Variants in AGBL1 observed in about 807,000 individuals in gnomAD.
AGBL1 encodes the protein AGBL carboxypeptidase 1.
A neutral mutation model predicts 118.9 loss-of-function variants in AGBL1; 130 were observed. The ratio of observed to expected loss-of-function variants is 1.09; its 90% CI spans 0.95 to 1.26. The LOEUF is 1.26. Among genes scored for constraint, AGBL1 ranks in the 50% most tolerant of loss-of-function variants. The probability of loss-of-function intolerance (pLI) is 0.00; values close to 1 mark genes in which losing one functional copy is unlikely to be tolerated. For synonymous variants in AGBL1, 555 were observed against 478.9 expected, an observed-to-expected ratio of 1.16 and a Z score of -2.08; for missense variants, 1,584 against 1,298.1, an observed-to-expected ratio of 1.22 and a Z score of -3.38.
chr15:86,451,923 A>T (rs1191238836), intron 18 of AGBL1, among the ~76,000 whole-genome samples: 2 of 152,138 alleles, frequency 1.3e-5, no homozygotes, highest in African/African-American at 4.8e-5. Context: ...TCTGCCTGGC[A>T]TTCAAGACCG....
chr15:86,971,409 G>A (rs753357681), intron 23 of AGBL1, among the ~76,000 whole-genome samples: 2 of 151,898 alleles, frequency 1.3e-5, no homozygotes, highest in Admixed American at 6.6e-5. Flanking sequence ...TCTACAGTAA[G>A]GGATGGCTTG....
At chr15:86,148,394 A>G (rs762792269) in intron 3 of AGBL1, among the ~76,000 whole-genome samples, 10 of 152,158 alleles carry the variant, frequency 6.6e-5, no homozygotes, top group Admixed American at 1.3e-4. Flanking sequence ...GATTAGGCGA[A>G]TGGCTAACTA....
chr15:86,404,838 T>C (rs1294068291), intron 18 of AGBL1, among the ~76,000 whole-genome samples: 1 of 152,180 alleles, frequency 6.6e-6, no homozygotes, highest in Non-Finnish European at 1.5e-5. Context: ...GGCTTCTTTG[T>C]GGACAGGAAG....
chr15:86,929,466 A>T (rs2080580991), intron 23 of AGBL1, among the ~76,000 whole-genome samples: 1 of 152,210 alleles, frequency 6.6e-6, no homozygotes, highest in Admixed American at 6.5e-5. Context: ...ATCAACTCAG[A>T]GGCCTGAATC....
intron 22 of AGBL1, among the ~76,000 whole-genome samples, chr15:86,757,487 C>G (rs1046936535): frequency 6.6e-6 from 1 of 152,026 alleles, no homozygotes; most frequent in African/African-American, 2.4e-5. Context: ...TTCTTTTGAT[C>G]TTCTCAATGG....
At chr15:86,738,032 A>G (rs28706632) in intron 22 of AGBL1, among the ~76,000 whole-genome samples, 8,205 of 152,260 alleles carry the variant, frequency 0.054, 597 homozygotes, top group African/African-American at 0.17. Flanking sequence ...AACAGAATGA[A>G]GGACCAAAAC....
intron 18 of AGBL1, among the ~76,000 whole-genome samples, chr15:86,399,963 T>C (rs957676472): frequency 6.6e-6 from 1 of 152,186 alleles, no homozygotes; most frequent in African/African-American, 2.4e-5. Flanking sequence ...TTGGAAATCA[T>C]AGTGTTATTC....
At chr15:86,135,093 C>T (rs140553874) in intron 1 of AGBL1, among the ~76,000 whole-genome samples, 32 of 152,230 alleles carry the variant, frequency 2.1e-4, no homozygotes, top group Admixed American at 6.5e-4. Flanking sequence ...GTGTTTGGAT[C>T]GTAGGGGCAG....
chr15:86,612,389 A>T (rs1164317049), intron 21 of AGBL1, among the ~76,000 whole-genome samples: 2 of 144,406 alleles, frequency 1.4e-5, no homozygotes, highest in Non-Finnish European at 3.0e-5. Context: ...GCCTTGGCCA[A>T]GGGGATTCCA....
At chr15:86,974,629 A>T (rs1338158241) in intron 23 of AGBL1, among the ~76,000 whole-genome samples, 1 of 144,488 alleles carries the variant, frequency 6.9e-6, no homozygotes, top group Admixed American at 7.1e-5. Flanking sequence ...ATATTTATAT[A>T]TTTAACTTTT....
At chr15:86,262,450 G>A (rs186548265) in intron 9 of AGBL1, among the ~76,000 whole-genome samples, 1 of 152,216 alleles carries the variant, frequency 6.6e-6, no homozygotes, top group African/African-American at 2.4e-5. Context: ...TTACAATGAT[G>A]CTGACGATAG....
intron 21 of AGBL1, among the ~76,000 whole-genome samples, chr15:86,575,713 C>G (rs546058821): frequency 2.6e-5 from 4 of 151,992 alleles, no homozygotes; most frequent in Admixed American, 1.3e-4. Context: ...CCTCAGCCTT[C>G]TAAGCGACTG....
At chr15:86,873,850 C>T (rs994196035) in intron 22 of AGBL1, among the ~76,000 whole-genome samples, 2 of 152,032 alleles carry the variant, frequency 1.3e-5, no homozygotes, top group Non-Finnish European at 2.9e-5. Context: ...TTTTTGCCTT[C>T]AGCATAATAG....
At chr15:86,588,835 A>G (rs2084292529) in intron 21 of AGBL1, among the ~76,000 whole-genome samples, 1 of 152,224 alleles carries the variant, frequency 6.6e-6, no homozygotes, top group African/African-American at 2.4e-5. Flanking sequence ...AAACTGAAGC[A>G]AGTGTCTTTT....
At chr15:86,971,382 C>T (rs766237053) in intron 23 of AGBL1, among the ~76,000 whole-genome samples, 33 of 151,844 alleles carry the variant, frequency 2.2e-4, no homozygotes, top group African/African-American at 7.7e-4. Context: ...TCCTTAGCAC[C>T]CTGCTCTAAA....
chr15:86,321,145 T>A (rs2080098833), intron 17 of AGBL1, among the ~76,000 whole-genome samples: 1 of 152,166 alleles, frequency 6.6e-6, no homozygotes, highest in African/African-American at 2.4e-5. Flanking sequence ...ATTTTTAAAT[T>A]CTCTGAAGAG....
At chr15:86,937,209 G>T (rs555326188) in intron 23 of AGBL1, among the ~76,000 whole-genome samples, 77 of 152,212 alleles carry the variant, frequency 5.1e-4, no homozygotes, top group Non-Finnish European at 8.5e-4. Context: ...TAGTGGGAGT[G>T]TAAATTAGTT....
chr15:86,138,849 A>T (rs1443902474), intron 1 of AGBL1, among the ~76,000 whole-genome samples: 1 of 152,206 alleles, frequency 6.6e-6, no homozygotes, highest in Non-Finnish European at 1.5e-5. Context: ...GCTGTGCTAC[A>T]GGTCTATCCA....
intron 5 of AGBL1, among the ~76,000 whole-genome samples, chr15:86,161,950 A>G (rs1258054763): frequency 6.6e-6 from 1 of 152,234 alleles, no homozygotes; most frequent in Non-Finnish European, 1.5e-5. Context: ...TAATGTGTAA[A>G]GACATCGTGT....
Sources: allele counts gnomAD v4.1 joint callset (sites outside exome capture counted in the v4.1 genomes callset), GRCh38; gene constraint gnomAD v4.1.1; transcripts MANE v1.5; gene names NCBI Gene and HGNC (gene_info 2026-07-23, HGNC 2026-07-21).